C2: variants seen among roughly 807,000 people sequenced by gnomAD.
C2 encodes the protein C3/C5 convertase.
In C2, 64 loss-of-function variants were observed where a neutral mutation model predicts 85.2. That is an observed-to-expected ratio of 0.75 (90% CI 0.61 to 0.92). The LOEUF is 0.92. Among genes scored for constraint, C2 ranks in the 40% least tolerant of loss-of-function variants. The pLI is 0.00. For synonymous variants in C2, 311 were observed against 370.8 expected (o/e 0.84, Z 1.85); for missense variants, 820 against 971.6 (o/e 0.84, Z 2.07).
At chr6:31,905,135 T>C (rs1465019011) in intron 1 of C2, among the ~76,000 whole-genome samples, 1 of 152,026 alleles carries the variant, frequency 6.6e-6, no homozygotes, top group African/African-American at 2.4e-5. Context: ...ATTTAGGAGA[T>C]ACTTTTAGGA....
intron 9 of C2, 91 bp downstream of exon 9, chr6:31,939,411 C>A: frequency 1.0e-6 from 1 of 1,004,238 alleles, no homozygotes; most frequent in Non-Finnish European, 1.6e-6. Flanking sequence ...AGCTATGGTC[C>A]AGAGCCACAT....
upstream of C2, among the ~76,000 whole-genome samples, chr6:31,916,456 G>A (rs1039030953): frequency 6.6e-6 from 1 of 151,908 alleles, no homozygotes; most frequent in Non-Finnish European, 1.5e-5. Context: ...CTATTTGGGA[G>A]GCTGAGGCAG....
At chr6:31,906,759 GT>G in intron 1 of C2, among the ~76,000 whole-genome samples, 1 of 151,278 alleles carries the variant, frequency 6.6e-6, no homozygotes, top group South Asian at 2.1e-4. Context: ...CATATCCCAA[GT>G]TTAAAAAAAA....
upstream of C2, among the ~76,000 whole-genome samples, chr6:31,917,984 G>A (rs1385818927): frequency 6.6e-6 from 1 of 151,828 alleles, no homozygotes; most frequent in Admixed American, 6.6e-5. Context: ...ATTTTAAAAT[G>A]AAAAATTTGA....
chr6:31,900,480 C>T (rs1767132245), upstream of C2: 1 of 1,605,644 alleles, frequency 6.2e-7, no homozygotes, highest in Non-Finnish European at 8.5e-7. The surrounding 1 kb of genome is among the most constrained non-coding windows in gnomAD (Gnocchi z 9.7). Flanking sequence ...AGCAGGCCCT[C>T]CCCTTCTGCA....
At chr6:31,938,104 C>T (rs148042676) in intron 8 of C2, among the ~76,000 whole-genome samples, 1 of 152,216 alleles carries the variant, frequency 6.6e-6, no homozygotes, top group East Asian at 1.9e-4. Context: ...TCCTCCTTTC[C>T]TTACACAATT....
At position 31,937,433 on chromosome 6, in the gene C2, G is replaced by A. The variant is rs761100503; in HGVS notation, c.1103G>A (p.Arg368Gln). 2.8e-5 allele frequency: 45 copies of A among 1,612,686 alleles called. 1 individual carries two copies. In the East Asian group the frequency reaches 3.3e-4, roughly 12 times the overall value. ...GMETMAWQEI[R>Q]HAIILLTDGK... is the part of the protein sequence containing the mutation. The stretch of plus-strand genomic sequence containing the variant: ...GAAACGATGGCCTGGCAGGAAATCC[G>A]ACATGCCATCATCCTTCTGACAGAT... The change falls in exon 8 of 18, where the codon CGA becomes CAA. Residue 368 changes from arginine (R) to glutamine (Q), a missense_variant. By Grantham distance (43) the Arg-to-Gln change is conservative. Coordinates refer to ENST00000299367, the MANE Select transcript of C2 (RefSeq NM_000063.6).
At chr6:31,934,409 T>C (rs772194870) in intron 6 of C2, 110 bp downstream of exon 6, 8 of 1,427,474 alleles carry the variant, frequency 5.6e-6, no homozygotes, top group Non-Finnish European at 7.9e-6. Flanking sequence ...CTCCAAGAAG[T>C]CTTCTCAGAT....
chr6:31,917,309 AAAATT>A (rs1768609398), upstream of C2, among the ~76,000 whole-genome samples: 1 of 152,194 alleles, frequency 6.6e-6, no homozygotes, highest in Non-Finnish European at 1.5e-5. Context: ...ATAAAAAAAA[AAAATT>A]AAATCATGTC....
intron 8 of C2, among the ~76,000 whole-genome samples, chr6:31,938,165 CTT>C (rs1231410340): frequency 6.6e-6 from 1 of 152,052 alleles, no homozygotes; most frequent in Non-Finnish European, 1.5e-5. Context: ...TGTGTTAGCT[CTT>C]GTTACCATCT....
intron 3 of C2, among the ~76,000 whole-genome samples, chr6:31,931,727 A>AT (rs1321357563): frequency 2.6e-5 from 4 of 152,026 alleles, no homozygotes; most frequent in African/African-American, 9.7e-5. Context: ...CCCCCTTTCT[A>AT]TTCCACAAAA....
In C2 at chr6:31,934,288, A is replaced by G; in HGVS notation, c.838A>G (p.Met280Val). The G allele has an allele frequency of 4.3e-6, 7 of 1,614,118 alleles. No individual in the cohort carries two copies. The highest frequency in any genetic ancestry group is 2.2e-5 in the East Asian group (1 of 44,882). The change falls in exon 6 of 18, where the codon ATG becomes GTG. Residue 280 changes from methionine (M) to valine (V), a missense_variant. Met to Val is a conservative substitution (Grantham distance 21). Coordinates refer to ENST00000299367, the MANE Select transcript of C2 (RefSeq NM_000063.6). ...FLIFKESASL[M>V]VDRIFSFEIN... ...CATCTTCAAGGAGAGCGCCTCCCTC[A>G]TGGTGGACAGGGTCAGGAATCAGGA...
upstream of C2, among the ~76,000 whole-genome samples, chr6:31,925,292 C>T (rs902933368): frequency 6.6e-6 from 1 of 151,884 alleles, no homozygotes; most frequent in Non-Finnish European, 1.5e-5. Context: ...CCGAGTATTG[C>T]GCTTTTTTTT....
At chr6:31,912,370 A>G (rs1378402600) in intron 1 of C2, among the ~76,000 whole-genome samples, 1 of 152,178 alleles carries the variant, frequency 6.6e-6, no homozygotes, top group Non-Finnish European at 1.5e-5. Flanking sequence ...TGTTTGATCC[A>G]CTGCTTTTCC....
upstream of C2, among the ~76,000 whole-genome samples, chr6:31,925,195 CT>C (rs1394379363): frequency 1.3e-5 from 2 of 152,106 alleles, no homozygotes; most frequent in Admixed American, 6.6e-5. Context: ...TGGGTGGGTA[CT>C]TTTTTTCCTG....
chr6:31,908,146 A>ATT (rs982568692), intron 1 of C2, among the ~76,000 whole-genome samples: 12 of 120,716 alleles, frequency 9.9e-5, no homozygotes, highest in South Asian at 2.7e-4. Flanking sequence ...GCACCCGGCC[A>ATT]TTTTTTTTTT....
chr6:31,941,602 G>C (rs1484240024), intron 9 of C2: 8 of 152,138 alleles, frequency 5.3e-5, no homozygotes, highest in Admixed American at 5.2e-4. Context: ...CCTGGGTTCA[G>C]GTGATTCTCG....
chr6:31,932,888 T>C (rs886078554), intron 3 of C2, among the ~76,000 whole-genome samples: 1 of 152,234 alleles, frequency 6.6e-6, no homozygotes, highest in African/African-American at 2.4e-5. Context: ...CCGAGGCTGG[T>C]GGATCACTCG....
At chr6:31,900,369 C>T, upstream of C2, 1 of 1,559,532 alleles carries the variant, frequency 6.4e-7, no homozygotes, top group Non-Finnish European at 8.7e-7. The surrounding 1 kb of genome is among the most constrained non-coding windows in gnomAD (Gnocchi z 9.7). Flanking sequence ...CTGCCCCCCG[C>T]CCCCAGGCTG....
Sources: gnomAD v4.1 joint callset for allele counts (sites outside exome capture counted in the v4.1 genomes callset) on GRCh38, gnomAD v4.1.1 for gene constraint, Gnocchi (gnomAD v3.1) non-coding constraint, MANE v1.5 for transcripts, NCBI Gene and HGNC (gene_info 2026-07-23, HGNC 2026-07-21) for gene names.